Variants in CNTNAP2 observed in about 807,000 individuals in gnomAD.
CNTNAP2 encodes the protein contactin associated protein 2, also known as contactin-associated protein-like 2.
Under a neutral mutation model 155.2 loss-of-function variants are expected in CNTNAP2, and 98 were observed. The observed-to-expected ratio is 0.63, with a 90% confidence interval of 0.54 to 0.75. The LOEUF (loss-of-function observed/expected upper bound fraction) is 0.75, where lower values mean the gene tolerates loss of function less well. Among genes scored for constraint, CNTNAP2 ranks in the 30% least tolerant of loss-of-function variants. The pLI, the probability that CNTNAP2 is intolerant of heterozygous loss-of-function variation, is 0.00. For synonymous variants in CNTNAP2, 651 were observed against 631.2 expected (o/e 1.03, Z -0.47); for missense variants, 1,727 against 1,688.1 (o/e 1.02, Z -0.40).
intron 19 of CNTNAP2, 82 bp from the exon 20 acceptor site, chr7:148,229,564 T>C: frequency 6.7e-7 from 1 of 1,499,130 alleles, no homozygotes. Context: ...AGAAAGAATC[T>C]AAGAGCAGGA....
At chr7:146,303,871 A>T (rs1236344207) in intron 1 of CNTNAP2, among the ~76,000 whole-genome samples, 2 of 152,068 alleles carry the variant, frequency 1.3e-5, no homozygotes, top group Non-Finnish European at 2.9e-5. Flanking sequence ...GTGGGGTGTT[A>T]AAGTCTCCCA....
At chr7:147,356,126 T>C (rs1796058520) in intron 9 of CNTNAP2, among the ~76,000 whole-genome samples, 1 of 152,104 alleles carries the variant, frequency 6.6e-6, no homozygotes. Context: ...CAAGGTTGGT[T>C]CAACATATGC....
intron 1 of CNTNAP2, among the ~76,000 whole-genome samples, chr7:146,304,538 C>T (rs201686161): frequency 2.0e-4 from 30 of 152,000 alleles, no homozygotes; most frequent in Non-Finnish European, 2.2e-4. Flanking sequence ...AAGCTTAGTT[C>T]GGCTGGATAT....
In CNTNAP2 at chr7:147,485,808, A is replaced by G. The variant is rs183053302; in HGVS notation, c.1671-127A>G. 1.5e-4 allele frequency: 124 copies of G among 847,576 alleles called. No homozygotes were observed. In the Admixed American group the frequency reaches 1.9e-3, roughly 13 times the overall value. 52.5% of individuals were successfully genotyped at this position (847,576 alleles called of 1,614,324 possible). On this transcript the variant is annotated intron_variant, in intron 10 of 23. Transcript: ENST00000361727. Reference sequence around the variant, plus strand: ...TCATATTAATCTGCTTAAACTAACAAGGATTAATTGCCTTGGTAAGGCAAC... The same window carrying G: ...TCATATTAATCTGCTTAAACTAACAGGGATTAATTGCCTTGGTAAGGCAAC...
chr7:148,326,595 G>T (rs1185760076), intron 21 of CNTNAP2, among the ~76,000 whole-genome samples: 2 of 152,098 alleles, frequency 1.3e-5, no homozygotes, highest in African/African-American at 4.8e-5. Context: ...GGCCGGGCAT[G>T]GTGGCTCACG....
intron 8 of CNTNAP2, among the ~76,000 whole-genome samples, chr7:147,153,719 C>T (rs1401071941): frequency 6.6e-6 from 1 of 152,132 alleles, no homozygotes; most frequent in Non-Finnish European, 1.5e-5. Flanking sequence ...ACCTTGAAAA[C>T]GCTGACTTTC....
At chr7:146,877,002 A>G (rs1351723896) in intron 3 of CNTNAP2, among the ~76,000 whole-genome samples, 1 of 152,166 alleles carries the variant, frequency 6.6e-6, no homozygotes, top group Non-Finnish European at 1.5e-5. Flanking sequence ...TACTGCTTTA[A>G]GCGTTTTTCA....
At chr7:146,670,135 G>A (rs1214508269) in intron 1 of CNTNAP2, among the ~76,000 whole-genome samples, 1 of 152,106 alleles carries the variant, frequency 6.6e-6, no homozygotes, top group Non-Finnish European at 1.5e-5. Context: ...AATATTTTAG[G>A]AAGAACCAGA....
At chr7:146,927,421 C>G (rs898275938) in intron 3 of CNTNAP2, among the ~76,000 whole-genome samples, 3 of 151,942 alleles carry the variant, frequency 2.0e-5, no homozygotes, top group Non-Finnish European at 4.4e-5. Flanking sequence ...TGCAGTTTCT[C>G]CAGAATTAGA....
intron 8 of CNTNAP2, among the ~76,000 whole-genome samples, chr7:147,296,925 A>G (rs1341511435): frequency 6.6e-6 from 1 of 152,160 alleles, no homozygotes; most frequent in East Asian, 1.9e-4. Flanking sequence ...ATTGGAAGCC[A>G]TTGAAATGTA....
At position 148,256,217 on chromosome 7, in the gene CNTNAP2, G is replaced by A. The variant is rs372805389; in HGVS notation, c.3382-10816G>A. Among the ~76,000 whole-genome samples the A allele has an allele frequency of 5.3e-5, 8 of 152,174 alleles. No homozygotes were observed. The South Asian group carries it at 1.2e-3, about 24-fold the overall frequency. On this transcript the variant is annotated intron_variant, in intron 20 of 23. Transcript: ENST00000361727. ...CCTCCATCCATCACCAAAACCGGTC[G>A]AAGTTGAATAGTGCCCTGAAAAGAC... is the stretch of plus-strand genomic sequence containing the variant.
intron 13 of CNTNAP2, among the ~76,000 whole-genome samples, chr7:147,776,336 T>A (rs1797586488): frequency 1.4e-5 from 2 of 144,730 alleles, no homozygotes; most frequent in South Asian, 2.2e-4. Flanking sequence ...ATGACTAAAA[T>A]GAATGTAAAA....
At chr7:146,720,205 C>A (rs549787030) in intron 1 of CNTNAP2, among the ~76,000 whole-genome samples, 2 of 152,168 alleles carry the variant, frequency 1.3e-5, no homozygotes, top group Admixed American at 6.5e-5. Context: ...TGGTTTGGTG[C>A]AATTTCTGGT....
intron 11 of CNTNAP2, among the ~76,000 whole-genome samples, chr7:147,513,328 C>T (rs567855386): frequency 6.6e-6 from 1 of 151,666 alleles, no homozygotes; most frequent in Admixed American, 6.6e-5. Flanking sequence ...GGCAAGAGGC[C>T]GTGGATTGCC....
chr7:148,256,959 G>A (rs1740986901), intron 20 of CNTNAP2, among the ~76,000 whole-genome samples: 1 of 152,168 alleles, frequency 6.6e-6, no homozygotes, highest in Admixed American at 6.5e-5. Context: ...GTAATAAAGT[G>A]AGTGGTTTAG....
At chr7:148,100,850 A>C (rs1013041871) in intron 15 of CNTNAP2, among the ~76,000 whole-genome samples, 3 of 152,152 alleles carry the variant, frequency 2.0e-5, no homozygotes, top group Non-Finnish European at 4.4e-5. Context: ...TAGCGGCACT[A>C]TTCACAACAG....
chr7:148,118,623 G>C (rs1323866327), intron 16 of CNTNAP2, among the ~76,000 whole-genome samples: 1 of 152,170 alleles, frequency 6.6e-6, no homozygotes, highest in African/African-American at 2.4e-5. Context: ...TCAAAAATAG[G>C]TGAGGGGTGT....
At chr7:147,246,521 C>G (rs1164430937) in intron 8 of CNTNAP2, among the ~76,000 whole-genome samples, 1 of 152,088 alleles carries the variant, frequency 6.6e-6, no homozygotes, top group Admixed American at 6.6e-5. Flanking sequence ...TTGCTGTGTC[C>G]TCATACGATG....
intron 8 of CNTNAP2, among the ~76,000 whole-genome samples, chr7:147,217,104 A>G (rs1198034342): frequency 6.6e-6 from 1 of 151,982 alleles, no homozygotes; most frequent in African/African-American, 2.4e-5. Context: ...TTCTACATAG[A>G]CTATCATGTC....
Sources: allele counts gnomAD v4.1 joint callset (sites outside exome capture counted in the v4.1 genomes callset), GRCh38; gene constraint gnomAD v4.1.1; transcripts MANE v1.5; gene names NCBI Gene and HGNC (gene_info 2026-07-23, HGNC 2026-07-21).